The following SUGCT variants were observed in gnomAD, a reference collection of about 807,000 sequenced individuals.
SUGCT encodes succinyl-CoA:glutarate CoA-transferase.
A neutral mutation model predicts 55.0 loss-of-function variants in SUGCT; 41 were observed. That is an observed-to-expected ratio of 0.74 (90% CI 0.58 to 0.97). SUGCT has a LOEUF of 0.97. SUGCT is among the 50% of genes least tolerant of loss of function. The pLI is 0.00. For missense variants in SUGCT, 568 were observed against 547.8 expected (o/e 1.04, Z -0.37); for synonymous variants, 187 against 200.4 (o/e 0.93, Z 0.56).
At chr7:40,309,593 C>A (rs1183867570) in intron 8 of SUGCT, among the ~76,000 whole-genome samples, 2 of 152,086 alleles carry the variant, frequency 1.3e-5, no homozygotes, top group African/African-American at 4.8e-5. Flanking sequence ...CTGCACCTGG[C>A]CTAAATCAGC....
At chr7:40,614,608 A>T (rs931347672) in intron 12 of SUGCT, among the ~76,000 whole-genome samples, 1 of 152,182 alleles carries the variant, frequency 6.6e-6, no homozygotes, top group African/African-American at 2.4e-5. Context: ...TAATGAGGCC[A>T]TACCACAGTT....
At chr7:40,360,484 A>G (rs1798100139) in intron 9 of SUGCT, among the ~76,000 whole-genome samples, 1 of 152,188 alleles carries the variant, frequency 6.6e-6, no homozygotes, top group African/African-American at 2.4e-5. Flanking sequence ...CGCTGGGTCT[A>G]CAGTGAAGAA....
rs189436698 is a variant in SUGCT at position 40,606,500 on chromosome 7, G to A, written c.1089+110114G>A. 9.2e-5 allele frequency among the ~76,000 whole-genome samples: 14 copies of A among 152,276 alleles called. No homozygotes were observed. The East Asian group carries it at 2.5e-3, about 27-fold the overall frequency. ...AAGCGTCTTTGTGTGGAATACAGGGGAATAGAGGCAAATGGAGCCTTTCCT... is the reference window on the plus strand; with the variant it reads ...AAGCGTCTTTGTGTGGAATACAGGGAAATAGAGGCAAATGGAGCCTTTCCT... On this transcript the variant is annotated intron_variant, in intron 12 of 13. Transcript: ENST00000335693.
chr7:40,833,159 TAGTC>T (rs1045976973), intron 13 of SUGCT, among the ~76,000 whole-genome samples: 11 of 152,076 alleles, frequency 7.2e-5, no homozygotes, highest in Non-Finnish European at 1.0e-4. Context: ...ATTGCAATAA[TAGTC>T]AGATAGATCC....
intron 13 of SUGCT, among the ~76,000 whole-genome samples, chr7:40,753,715 T>C (rs1788126616): frequency 6.6e-6 from 1 of 152,178 alleles, no homozygotes; most frequent in South Asian, 2.1e-4. Flanking sequence ...TAGAGTTGTA[T>C]AAATCCACAT....
At chr7:40,248,894 A>G (rs1790101933) in intron 7 of SUGCT, among the ~76,000 whole-genome samples, 2 of 124,226 alleles carry the variant, frequency 1.6e-5, no homozygotes, top group African/African-American at 6.0e-5. Flanking sequence ...GCTCGCACAC[A>G]CACACACACA....
At chr7:40,896,477 G>C in the SUGCT span, among the ~76,000 whole-genome samples, 1 of 152,126 alleles carries the variant, frequency 6.6e-6, no homozygotes, top group Admixed American at 6.5e-5. Flanking sequence ...TTGTGGGAGG[G>C]AACCAATGGG....
chr7:40,460,808 G>A lies in SUGCT; in HGVS notation c.986+1610G>A, dbSNP rs571120466. ...TCTTTCTGTTCTTTTATACACAGAA[G>A]TAGAAGTTTCAGCATTTTGGTATCT... On this transcript the variant is annotated intron_variant, in intron 11 of 13. Transcript: ENST00000335693. Among the ~76,000 whole-genome samples the A allele has an allele frequency of 7.2e-5, 11 of 152,292 alleles. No homozygotes were observed. The East Asian group carries it at 1.2e-3, about 16-fold the overall frequency.
intron 12 of SUGCT, among the ~76,000 whole-genome samples, chr7:40,707,556 G>A (rs1785489037): frequency 6.6e-6 from 1 of 152,170 alleles, no homozygotes; most frequent in Admixed American, 6.5e-5. Context: ...TTTTAGTGGT[G>A]AGATAGTACC....
At chr7:40,737,699 T>C (rs1005512787) in intron 12 of SUGCT, among the ~76,000 whole-genome samples, 2 of 152,186 alleles carry the variant, frequency 1.3e-5, no homozygotes, top group Non-Finnish European at 2.9e-5. Flanking sequence ...TGGTATTGAT[T>C]ACATTTTTAT....
intron 9 of SUGCT, among the ~76,000 whole-genome samples, chr7:40,442,035 C>T (rs1788542831): frequency 6.6e-6 from 1 of 151,954 alleles, no homozygotes; most frequent in South Asian, 2.1e-4. Context: ...ATTTCAAAGA[C>T]CAATCTTAGG....
chr7:40,627,532 G>A (rs959385664), intron 12 of SUGCT, among the ~76,000 whole-genome samples: 4 of 152,098 alleles, frequency 2.6e-5, no homozygotes, highest in African/African-American at 9.7e-5. Flanking sequence ...TTGCACTTCT[G>A]TGCAAACAAA....
intron 13 of SUGCT, among the ~76,000 whole-genome samples, chr7:40,850,477 C>T (rs917948358): frequency 3.3e-5 from 5 of 152,138 alleles, no homozygotes; most frequent in African/African-American, 1.2e-4. Flanking sequence ...TTCCACTTAA[C>T]TAGTTAAAAG....
chr7:41,036,865 T>C, the SUGCT span, among the ~76,000 whole-genome samples: 3 of 152,198 alleles, frequency 2.0e-5, no homozygotes, highest in Admixed American at 6.5e-5. Context: ...AAGCTTGGCA[T>C]TTTAAGAACA....
chr7:40,412,071 A>T (rs2151345975), intron 9 of SUGCT, among the ~76,000 whole-genome samples: 1 of 152,242 alleles, frequency 6.6e-6, no homozygotes, highest in East Asian at 1.9e-4. Context: ...TCGGCTGGGC[A>T]TTCTTGATGG....
chr7:40,561,909 C>A (rs1795861239), intron 12 of SUGCT, among the ~76,000 whole-genome samples: 1 of 146,930 alleles, frequency 6.8e-6, no homozygotes, highest in South Asian at 2.4e-4. Context: ...TCAGGCTGGT[C>A]TTGAACTCCT....
intron 12 of SUGCT, among the ~76,000 whole-genome samples, chr7:40,589,464 C>A (rs1797591798): frequency 6.6e-6 from 1 of 152,108 alleles, no homozygotes; most frequent in African/African-American, 2.4e-5. Context: ...ATGCCAAGTC[C>A]TCACATGGTA....
intron 12 of SUGCT, among the ~76,000 whole-genome samples, chr7:40,633,199 A>G (rs1799871877): frequency 6.6e-6 from 1 of 152,246 alleles, no homozygotes; most frequent in African/African-American, 2.4e-5. Context: ...CCTAGTGAAG[A>G]TGCTCAGTAA....
chr7:40,847,090 A>G (rs1460972442), intron 13 of SUGCT, among the ~76,000 whole-genome samples: 1 of 152,206 alleles, frequency 6.6e-6, no homozygotes, highest in Non-Finnish European at 1.5e-5. Context: ...AATGCTTTTT[A>G]AAGGAGTACT....
Sources: allele counts gnomAD v4.1 joint callset (sites outside exome capture counted in the v4.1 genomes callset), GRCh38; gene constraint gnomAD v4.1.1; transcripts MANE v1.5; gene names NCBI Gene and HGNC (gene_info 2026-07-23, HGNC 2026-07-21).